Variants in SPRED2 observed in about 807,000 individuals in gnomAD.
SPRED2 encodes the protein sprouty-related, EVH1 domain-containing protein 2.
In SPRED2, 47 loss-of-function variants were observed where a neutral mutation model predicts 43.0. That is an observed-to-expected ratio of 1.09 (90% CI 0.87 to 1.40). The LOEUF is 1.40. SPRED2 is among the 40% of genes most tolerant of loss of function. The probability of loss-of-function intolerance (pLI) is 0.00; values close to 1 mark genes in which losing one functional copy is unlikely to be tolerated. For synonymous variants in SPRED2, 225 were observed against 225.7 expected (o/e 1.00, Z 0.03); for missense variants, 561 against 586.4 (o/e 0.96, Z 0.45).
chr2:65,341,546 C>T lies in SPRED2; in HGVS notation c.204+3173G>A, dbSNP rs529046652. ...GCAAAGAAATGAGCTCAAACGCAGG[C>T]TCTGCTGGTGACACTGCCCACCCCA... On this transcript the variant is annotated intron_variant, in intron 2 of 5. Transcript: ENST00000356388. Among the ~76,000 whole-genome samples, 5 of 152,286 alleles carry T rather than the reference C, an allele frequency of 3.3e-5. No individual in the cohort carries two copies. The East Asian group carries it at 9.7e-4, about 29-fold the overall frequency.
intron 1 of SPRED2, among the ~76,000 whole-genome samples, chr2:65,361,621 C>T (rs968443403): frequency 1.3e-5 from 2 of 152,222 alleles, no homozygotes. Context: ...AACACACACA[C>T]ATAATCACAA....
At chr2:65,327,486 T>C (rs1673660914) in intron 4 of SPRED2, among the ~76,000 whole-genome samples, 1 of 152,134 alleles carries the variant, frequency 6.6e-6, no homozygotes, top group Admixed American at 6.5e-5. Context: ...CTATAGGTAT[T>C]ACATGTCGAT....
At position 65,432,081 on chromosome 2, in the gene SPRED2, T is replaced by C. The variant is rs1017113993; in HGVS notation, c.-94A>G. 2.7e-6 allele frequency: 4 copies of C among 1,488,478 alleles called. No homozygotes were observed. Among genetic ancestry groups the C allele is most frequent in the African/African-American group, 1.4e-5 (1 of 72,280 alleles). The allele number at this position is 1,488,478 out of a possible 1,614,324, so 92.2% of individuals were successfully genotyped here. ...CCCCCCTTCTTCACATCTCCGGAGATCGCCTGATTTGGGGAGGGGGGGCGG... is the reference window on the plus strand; with the variant it reads ...CCCCCCTTCTTCACATCTCCGGAGACCGCCTGATTTGGGGAGGGGGGGCGG... On this transcript the variant is annotated 5_prime_UTR_variant, in exon 1 of 6. Coordinates refer to ENST00000356388, the MANE Select transcript of SPRED2 (RefSeq NM_181784.3).
At chr2:65,357,572 G>A (rs1309630394) in intron 1 of SPRED2, among the ~76,000 whole-genome samples, 1 of 152,192 alleles carries the variant, frequency 6.6e-6, no homozygotes, top group Non-Finnish European at 1.5e-5. Flanking sequence ...GCAGAAGTGC[G>A]CATATTCAAG....
chr2:65,393,338 T>C (rs1383116543), intron 1 of SPRED2, among the ~76,000 whole-genome samples: 1 of 150,190 alleles, frequency 6.7e-6, no homozygotes, highest in Non-Finnish European at 1.5e-5. Context: ...TTTTTTTTTT[T>C]TTCTTTTTTT....
At chr2:65,355,871 T>C (rs1674631263) in intron 1 of SPRED2, among the ~76,000 whole-genome samples, 1 of 152,206 alleles carries the variant, frequency 6.6e-6, no homozygotes, top group Admixed American at 6.5e-5. Flanking sequence ...ATTTTCTGAC[T>C]TTCCCTCTGT....
intron 1 of SPRED2, among the ~76,000 whole-genome samples, chr2:65,418,391 C>T (rs1447046198): frequency 6.6e-6 from 1 of 152,162 alleles, no homozygotes; most frequent in African/African-American, 2.4e-5. Context: ...AACCTTTGGA[C>T]ATGAGATGTC....
chr2:65,322,434 T>A (rs1310391541), intron 4 of SPRED2, among the ~76,000 whole-genome samples: 2 of 151,264 alleles, frequency 1.3e-5, no homozygotes, highest in African/African-American at 4.9e-5. Context: ...GCTGGGACTA[T>A]AGGCACTTGC....
At chr2:65,342,685 A>T (rs1199564292) in intron 2 of SPRED2, among the ~76,000 whole-genome samples, 1 of 152,178 alleles carries the variant, frequency 6.6e-6, no homozygotes, top group Non-Finnish European at 1.5e-5. Flanking sequence ...GACACTAAGG[A>T]GGTGGTCAAA....
Position 65,334,683 on chromosome 2 carries a change from C to T in SPRED2, c.295G>A (p.Gly99Arg). ...HHWKVDNRKF[G>R]LTFQSPADAR... ...TCAGCAGGGCTTTGGAAAGTAAGTCCAAACTTCCTATTATCGACCTTCCAG... is the reference window on the plus strand; with the variant it reads ...TCAGCAGGGCTTTGGAAAGTAAGTCTAAACTTCCTATTATCGACCTTCCAG... Residue 99 changes from glycine (G) to arginine (R), a missense_variant, in exon 3 of 6, where the codon GGA (glycine) becomes AGA (arginine). This residue lies in a region of SPRED2 where 305 missense variants were observed against 282.4 expected (regional missense o/e 1.08). Transcript: ENST00000356388. The T allele has an allele frequency of 1.9e-6, 3 of 1,614,176 alleles. No individual in the cohort carries two copies. Among genetic ancestry groups the T allele is most frequent in the Non-Finnish European group, 2.5e-6 (3 of 1,180,016 alleles).
At chr2:65,394,356 G>C (rs1227690216) in intron 1 of SPRED2, among the ~76,000 whole-genome samples, 1 of 152,208 alleles carries the variant, frequency 6.6e-6, no homozygotes, top group East Asian at 1.9e-4. Flanking sequence ...CATCAGGGTG[G>C]CTGCTGGCGC....
intron 1 of SPRED2, among the ~76,000 whole-genome samples, chr2:65,399,904 GA>G (rs1241720382): frequency 3.3e-5 from 5 of 151,982 alleles, no homozygotes; most frequent in Non-Finnish European, 7.4e-5. Context: ...CAAAATCTCA[GA>G]AAATACCACT....
Position 65,311,263 on chromosome 2 carries a change from G to C in SPRED2, c.*2238C>G. The C allele has an allele frequency of 1.0e-6, 1 of 985,846 alleles. No individual in the cohort carries two copies. Among genetic ancestry groups the C allele is most frequent in the Non-Finnish European group, 1.2e-6 (1 of 829,930 alleles). The allele number at this position is 985,846 out of a possible 1,614,324, so 61.1% of individuals were successfully genotyped here. On this transcript the variant is annotated 3_prime_UTR_variant, in exon 6 of 6. Coordinates refer to ENST00000356388, the MANE Select transcript of SPRED2 (RefSeq NM_181784.3). ...CAGCTGCAGTGTGGCAATTAGAGAC[G>C]TATTTACATAAATGTCCCCATGGCT... is the stretch of plus-strand genomic sequence containing the variant.
At chr2:65,382,306 A>T (rs1418426539) in intron 1 of SPRED2, among the ~76,000 whole-genome samples, 3 of 152,160 alleles carry the variant, frequency 2.0e-5, no homozygotes, top group Admixed American at 6.5e-5. Flanking sequence ...AAGGCTACGA[A>T]GAAGAAGAAG....
chr2:65,366,662 G>A (rs1674989128), intron 1 of SPRED2: 1 of 1,543,670 alleles, frequency 6.5e-7, no homozygotes, highest in Admixed American at 2.0e-5. Flanking sequence ...CTACTATAAA[G>A]CTTCCGATAA....
At chr2:65,367,107 G>C (rs1214495256) in intron 1 of SPRED2, among the ~76,000 whole-genome samples, 3 of 152,176 alleles carry the variant, frequency 2.0e-5, no homozygotes, top group African/African-American at 7.2e-5. Flanking sequence ...GTTATCAGCT[G>C]AATTCGTGTA....
Position 65,340,140 on chromosome 2 carries a change from A to G in SPRED2, c.204+4579T>C, listed in dbSNP as rs565717556. 9.8e-5 allele frequency among the ~76,000 whole-genome samples: 15 copies of G among 152,332 alleles called. No individual in the cohort carries two copies. In the East Asian group the frequency reaches 2.9e-3, roughly 29 times the overall value. ...TTATATTAACAATACTGTTTAATTA[A>G]AAGTTTTAAATTTTTTCCATTTTAA... is the stretch of plus-strand genomic sequence containing the variant. On this transcript the variant is annotated intron_variant, in intron 2 of 5. Transcript: ENST00000356388.
intron 1 of SPRED2, among the ~76,000 whole-genome samples, chr2:65,370,413 A>T (rs921819974): frequency 3.3e-5 from 5 of 152,212 alleles, no homozygotes; most frequent in African/African-American, 1.2e-4. Flanking sequence ...GAGTGTTTAT[A>T]TGCTGTCTAT....
At chr2:65,351,579 C>T (rs937592386) in intron 1 of SPRED2, among the ~76,000 whole-genome samples, 1 of 152,174 alleles carries the variant, frequency 6.6e-6, no homozygotes, top group Non-Finnish European at 1.5e-5. Context: ...TTGCAGGGAG[C>T]CAGGCACACT....
Sources: allele counts gnomAD v4.1 joint callset (sites outside exome capture counted in the v4.1 genomes callset), GRCh38; gene constraint gnomAD v4.1.1; regional missense constraint gnomAD v4.1.1; transcripts MANE v1.5; gene names NCBI Gene and HGNC (gene_info 2026-07-23, HGNC 2026-07-21).